FYB2: variants seen among roughly 807,000 people sequenced by gnomAD.
FYB2 encodes the protein FYN binding protein 2.
In FYB2, 103 loss-of-function variants were observed where a neutral mutation model predicts 94.1. The observed-to-expected ratio is 1.09, with a 90% confidence interval of 0.93 to 1.29. The LOEUF is 1.29. Among genes scored for constraint, FYB2 ranks in the 50% most tolerant of loss-of-function variants. The pLI is 0.00. For missense variants in FYB2, 896 were observed against 841.5 expected, an observed-to-expected ratio of 1.06 and a Z score of -0.80; for synonymous variants, 293 against 287.9, an observed-to-expected ratio of 1.02 and a Z score of -0.18.
chr1:56,767,731 G>T, intron 5 of FYB2, 98 bp downstream of exon 5: 1 of 880,734 alleles, frequency 1.1e-6, no homozygotes, highest in Non-Finnish European at 1.8e-6. Flanking sequence ...GGATGGCTGT[G>T]CATTTTTAAA....
intron 5 of FYB2, among the ~76,000 whole-genome samples, chr1:56,764,845 A>G (rs949812119): frequency 6.6e-6 from 1 of 152,212 alleles, no homozygotes; most frequent in African/African-American, 2.4e-5. Flanking sequence ...AAGTGACAAC[A>G]GATTCCTGGT....
At chr1:56,809,287 T>A (rs1646713007) in intron 1 of FYB2, among the ~76,000 whole-genome samples, 1 of 152,204 alleles carries the variant, frequency 6.6e-6, no homozygotes, top group African/African-American at 2.4e-5. Flanking sequence ...CATGTGAAAA[T>A]GCACTGTAAA....
In FYB2 at chr1:56,774,584, T is replaced by G. The variant is rs111831198; in HGVS notation, c.954-6646A>C. Among the ~76,000 whole-genome samples the G allele has an allele frequency of 3.7e-3, 569 of 152,236 alleles. 5 individuals are homozygous for G. The highest frequency in any genetic ancestry group is 0.012 in the African/African-American group (489 of 41,550). On this transcript the variant is annotated intron_variant, in intron 4 of 19. Transcript: ENST00000343433. ...TATATTTTCATTTGTGTATATATGTTTTTACATAAATATACGTACATGTAT... is the reference window on the plus strand; with the variant it reads ...TATATTTTCATTTGTGTATATATGTGTTTACATAAATATACGTACATGTAT...
At chr1:56,781,910 A>T (rs1034920066) in intron 4 of FYB2, among the ~76,000 whole-genome samples, 1 of 152,042 alleles carries the variant, frequency 6.6e-6, no homozygotes, top group African/African-American at 2.4e-5. Context: ...TGGGATGTTC[A>T]TCTCCTAGAT....
intron 17 of FYB2, among the ~76,000 whole-genome samples, chr1:56,722,050 A>G (rs974760392): frequency 3.9e-5 from 6 of 152,092 alleles, no homozygotes; most frequent in Admixed American, 3.9e-4. Context: ...TCTTTCACAC[A>G]TGAAACAATA....
chr1:56,750,576 G>A (rs1315395145), intron 9 of FYB2, among the ~76,000 whole-genome samples: 1 of 151,818 alleles, frequency 6.6e-6, no homozygotes, highest in East Asian at 1.9e-4. Context: ...TAACACGCAG[G>A]TAAAATGCAA....
intron 1 of FYB2, among the ~76,000 whole-genome samples, chr1:56,798,180 T>C (rs1268274155): frequency 6.6e-6 from 1 of 152,198 alleles, no homozygotes; most frequent in Non-Finnish European, 1.5e-5. Context: ...GAATCTTAAT[T>C]TTTTCCTGTG....
chr1:56,803,483 T>C (rs111940527), intron 1 of FYB2, among the ~76,000 whole-genome samples: 2 of 152,342 alleles, frequency 1.3e-5, no homozygotes, highest in African/African-American at 4.8e-5. Context: ...GGACTGATAG[T>C]TATTCCCTGG....
intron 4 of FYB2, among the ~76,000 whole-genome samples, chr1:56,768,479 G>T (rs902508684): frequency 6.6e-6 from 1 of 152,166 alleles, no homozygotes; most frequent in Non-Finnish European, 1.5e-5. Flanking sequence ...TCTGACTATG[G>T]CCATAGGAAC....
At chr1:56,765,233 G>A (rs1282618810) in intron 5 of FYB2, among the ~76,000 whole-genome samples, 1 of 152,096 alleles carries the variant, frequency 6.6e-6, no homozygotes, top group Non-Finnish European at 1.5e-5. Flanking sequence ...AGGAGAGGGT[G>A]GCCTTCTTAC....
chr1:56,737,351 T>TA (rs1333783966), intron 14 of FYB2: 29 of 425,886 alleles, frequency 6.8e-5, no homozygotes, highest in South Asian at 5.3e-4. Flanking sequence ...ACTGAAAGAT[T>TA]AAAAAAAAGT....
At chr1:56,787,306 G>A in intron 3 of FYB2, 98 bp from the exon 4 acceptor site, 1 of 1,459,844 alleles carries the variant, frequency 6.9e-7, no homozygotes, top group Non-Finnish European at 9.6e-7. Flanking sequence ...AGATAATGTG[G>A]AGAGTGGAAG....
chr1:56,769,206 T>C (rs1164733180), intron 4 of FYB2, among the ~76,000 whole-genome samples: 1 of 151,986 alleles, frequency 6.6e-6, no homozygotes, highest in Middle Eastern at 3.2e-3. Flanking sequence ...ACCCAGATAA[T>C]TTTTCTGTGT....
chr1:56,778,651 A>G (rs1418624522), intron 4 of FYB2, among the ~76,000 whole-genome samples: 1 of 152,176 alleles, frequency 6.6e-6, no homozygotes, highest in Non-Finnish European at 1.5e-5. Flanking sequence ...AAATAAATCA[A>G]TCAAATGAAT....
intron 6 of FYB2, among the ~76,000 whole-genome samples, chr1:56,756,592 A>G (rs542043131): frequency 2.0e-5 from 3 of 152,308 alleles, no homozygotes; most frequent in Admixed American, 6.5e-5. Flanking sequence ...ACCATTATTC[A>G]GAGACTATTG....
chr1:56,775,531 G>C (rs1339451211), intron 4 of FYB2, among the ~76,000 whole-genome samples: 1 of 152,034 alleles, frequency 6.6e-6, no homozygotes, highest in Non-Finnish European at 1.5e-5. Flanking sequence ...ATCAATCTTT[G>C]GCTCTATGAA....
chr1:56,740,551 C>T (rs1306199305), intron 13 of FYB2, 146 bp downstream of exon 13: 1 of 460,638 alleles, frequency 2.2e-6, no homozygotes, highest in African/African-American at 2.0e-5. Flanking sequence ...ATCAAAAATT[C>T]ACAAGAAAGG....
At chr1:56,723,517 C>G in intron 17 of FYB2, 71 bp downstream of exon 17, 2 of 867,264 alleles carry the variant, frequency 2.3e-6, no homozygotes, top group South Asian at 1.8e-5. Context: ...AGCATACTTA[C>G]AGATTTTTTT....
At chr1:56,768,569 T>C (rs8179308) in intron 4 of FYB2, among the ~76,000 whole-genome samples, 61,275 of 151,958 alleles carry the variant, frequency 0.4, 12,805 homozygotes, top group East Asian at 0.53. Context: ...AACAATCTGC[T>C]CATTTCAGAG....
Sources: gnomAD v4.1 joint callset for allele counts (sites outside exome capture counted in the v4.1 genomes callset) on GRCh38, gnomAD v4.1.1 for gene constraint, MANE v1.5 for transcripts, NCBI Gene and HGNC (gene_info 2026-07-23, HGNC 2026-07-21) for gene names.